The following NUDT7 variants were observed in gnomAD, a reference collection of about 807,000 sequenced individuals.
NUDT7 encodes peroxisomal coenzyme A diphosphatase NUDT7.
Under a neutral mutation model 13.1 loss-of-function variants are expected in NUDT7, and 19 were observed. The observed-to-expected ratio is 1.45, with a 90% CI of 1.01 to 2.13. The LOEUF is 2.13. Ranked by LOEUF, NUDT7 falls within the 30% of genes most tolerant of loss-of-function variation. The pLI, the probability that NUDT7 is intolerant of heterozygous loss-of-function variation, is 0.00. For missense variants in NUDT7, 360 were observed against 291.7 expected (o/e 1.23, Z -1.71); for synonymous variants, 132 against 109.7 (o/e 1.20, Z -1.27).
At chr16:77,728,901 C>A (rs988929742) in intron 2 of NUDT7, among the ~76,000 whole-genome samples, 1 of 148,584 alleles carries the variant, frequency 6.7e-6, no homozygotes, top group Admixed American at 6.8e-5. Context: ...GCTCTTCTCC[C>A]CCACACCCTT....
chr16:77,728,275 C>T (rs2014204453), intron 2 of NUDT7, among the ~76,000 whole-genome samples: 1 of 152,164 alleles, frequency 6.6e-6, no homozygotes, highest in African/African-American at 2.4e-5. Context: ...CTCTGTCGCC[C>T]AGGCTGGAGT....
At chr16:77,722,754 C>A in intron 1 of NUDT7, 137 bp downstream of exon 1, 1 of 771,992 alleles carries the variant, frequency 1.3e-6, no homozygotes, top group African/African-American at 1.7e-5. Flanking sequence ...GATGGGGGAG[C>A]ACTCGCCTCC....
At chr16:77,723,044 C>T (rs773489235) in intron 1 of NUDT7, among the ~76,000 whole-genome samples, 17 of 152,104 alleles carry the variant, frequency 1.1e-4, no homozygotes, top group Non-Finnish European at 2.2e-4. Flanking sequence ...GATCACTTGC[C>T]GGGCTGTTGT....
intron 1 of NUDT7, among the ~76,000 whole-genome samples, chr16:77,722,884 C>G (rs920950850): frequency 6.6e-6 from 1 of 152,180 alleles, no homozygotes; most frequent in African/African-American, 2.4e-5. Flanking sequence ...GTTCTGCAAT[C>G]CGCGTCTCCA....
chr16:77,723,388 C>A (rs934396523), intron 1 of NUDT7, among the ~76,000 whole-genome samples: 1 of 151,962 alleles, frequency 6.6e-6, no homozygotes, highest in African/African-American at 2.4e-5. Flanking sequence ...AGCACCCTGC[C>A]ACCTAGAAAG....
In NUDT7 at chr16:77,722,567, A is replaced by G. The variant is rs2013989293; in HGVS notation, c.-16A>G. Reference sequence around the variant, plus strand: ...GCTCCGAGGAGTCCGCCCGGAAACAAACATTCCCCAGGGCAATGTCACGAC... The same window carrying G: ...GCTCCGAGGAGTCCGCCCGGAAACAGACATTCCCCAGGGCAATGTCACGAC... On this transcript the variant is annotated 5_prime_UTR_variant, in exon 1 of 4. Coordinates refer to ENST00000268533, the MANE Select transcript of NUDT7 (RefSeq NM_001105663.3). 1.9e-6 allele frequency: 3 copies of G among 1,583,812 alleles called. No homozygotes were observed. In the South Asian group the frequency reaches 3.5e-5, roughly 18 times the overall value.
intron 3 of NUDT7, among the ~76,000 whole-genome samples, chr16:77,737,197 T>C (rs1221607274): frequency 2.0e-5 from 3 of 152,220 alleles, no homozygotes; most frequent in Non-Finnish European, 4.4e-5. Context: ...GTTTTTCTAC[T>C]AATGTCCTTT....
chr16:77,734,485 T>C (rs1048070934), intron 2 of NUDT7, among the ~76,000 whole-genome samples: 3 of 152,096 alleles, frequency 2.0e-5, no homozygotes, highest in Non-Finnish European at 4.4e-5. Flanking sequence ...TAGCCGGGCA[T>C]GCTGGTGGGC....
chr16:77,732,326 C>CA (rs371733996), intron 2 of NUDT7, among the ~76,000 whole-genome samples: 27,302 of 123,884 alleles, frequency 0.22, 2,764 homozygotes, highest in South Asian at 0.33. Flanking sequence ...GAACACGTCT[C>CA]AAAAAAAAAA....
chr16:77,734,917 G>A (rs939714444), intron 2 of NUDT7, among the ~76,000 whole-genome samples: 5 of 151,986 alleles, frequency 3.3e-5, no homozygotes, highest in South Asian at 2.1e-4. Context: ...GAGATAGTAG[G>A]GATGATTGTA....
Position 77,741,638 on chromosome 16 carries a change from G to A in NUDT7, c.405G>A (p.Gln135=). 6.2e-7 allele frequency: 1 copy of A among 1,613,800 alleles called. No individual in the cohort carries two copies. Among genetic ancestry groups the A allele is most frequent in the East Asian group, 2.2e-5 (1 of 44,878 alleles). Residue 135 remains glutamine (Q), a synonymous_variant, in exon 4 of 4, where the codon CAG becomes CAA. Coordinates refer to ENST00000268533, the MANE Select transcript of NUDT7 (RefSeq NM_001105663.3). ...TAATAGACCACAACTTCCAGGCCCA[G>A]CCGAATCCTGCTGAAGTTAAGGATG... The part of the protein sequence containing the change: ...VGLIDHNFQA[Q]PNPAEVKDVF...
At chr16:77,725,922 A>G (rs1331304446) in intron 2 of NUDT7, among the ~76,000 whole-genome samples, 1 of 152,166 alleles carries the variant, frequency 6.6e-6, no homozygotes, top group Non-Finnish European at 1.5e-5. Flanking sequence ...GCCTCTACCC[A>G]CCAGATGCCA....
intron 2 of NUDT7, chr16:77,735,341 G>T (rs779535110): frequency 1.1e-5 from 5 of 463,226 alleles, no homozygotes; most frequent in Admixed American, 7.0e-5. Flanking sequence ...ACGAGATAAG[G>T]TTGTTTAAAA....
chr16:77,729,802 G>A (rs2145111741), intron 2 of NUDT7, among the ~76,000 whole-genome samples: 1 of 152,094 alleles, frequency 6.6e-6, no homozygotes, highest in Non-Finnish European at 1.5e-5. Flanking sequence ...TCCAGCCTGG[G>A]CAACAGAGCG....
intron 3 of NUDT7, 77 bp downstream of exon 3, chr16:77,736,063 T>C: frequency 7.4e-7 from 1 of 1,358,574 alleles, no homozygotes; most frequent in Non-Finnish European, 1.0e-6. Context: ...TTCCACATTT[T>C]CCAAACATAA....
chr16:77,730,915 G>A (rs1314249270), intron 2 of NUDT7, among the ~76,000 whole-genome samples: 1 of 150,798 alleles, frequency 6.6e-6, no homozygotes. Context: ...TAGTTCCTTT[G>A]TCCATTTTTA....
chr16:77,735,696 G>A (rs1168397334), intron 2 of NUDT7, 132 bp from the exon 3 acceptor site: 2 of 798,544 alleles, frequency 2.5e-6, no homozygotes, highest in Non-Finnish European at 4.1e-6. Flanking sequence ...GTGGGCAATA[G>A]GGGTCTTGAT....
chr16:77,737,473 G>A (rs1015865788), intron 3 of NUDT7: 12 of 147,122 alleles, frequency 8.2e-5, no homozygotes, highest in Admixed American at 1.4e-4. Flanking sequence ...AACTTTTCAT[G>A]GTTTTTTTTT....
intron 2 of NUDT7, among the ~76,000 whole-genome samples, chr16:77,727,595 C>T (rs1004085765): frequency 5.3e-5 from 8 of 152,370 alleles, no homozygotes; most frequent in South Asian, 2.1e-4. Context: ...TGGCTCACGC[C>T]TGTAATCCCA....
Sources: allele counts gnomAD v4.1 joint callset (sites outside exome capture counted in the v4.1 genomes callset), GRCh38; gene constraint gnomAD v4.1.1; transcripts MANE v1.5; gene names NCBI Gene and HGNC (gene_info 2026-07-23, HGNC 2026-07-21).